Variants in SVEP1 observed in about 807,000 individuals in gnomAD.
The protein encoded by SVEP1 is sushi, von Willebrand factor type A, EGF and pentraxin domain containing 1.
SVEP1 carries 164 observed loss-of-function variants against 367.3 expected under a neutral mutation model. That is an observed-to-expected ratio of 0.45 (90% CI 0.39 to 0.51). The LOEUF (loss-of-function observed/expected upper bound fraction) is 0.51. Among genes scored for constraint, SVEP1 ranks in the 20% least tolerant of loss-of-function variants. The probability of loss-of-function intolerance (pLI) is 0.00; values close to 1 mark genes in which losing one functional copy is unlikely to be tolerated. For synonymous variants in SVEP1, 1,666 were observed against 1,611.6 expected, an observed-to-expected ratio of 1.03 and a Z score of -0.81; for missense variants, 4,117 against 4,425.3, an observed-to-expected ratio of 0.93 and a Z score of 1.98.
In SVEP1 at chr9:110,408,309, G is replaced by C. The variant is rs952794060; in HGVS notation, c.7291C>G (p.Pro2431Ala). The change falls in exon 38 of 48, where the codon CCA (proline) becomes GCA (alanine). Residue 2431 changes from proline to alanine, a missense_variant. Pro to Ala is a conservative substitution (Grantham distance 27, BLOSUM62 -1). Transcript: ENST00000374469. ...TCTACTGGAACACATTCTGGCAGTG[G>C]AGAGCTCCAGGTGCCATCAGGTTGG... ...LCQPDGTWSS[P>A]LPECVPVECP... 3 of 1,613,820 alleles carry C rather than the reference G, an allele frequency of 1.9e-6. No homozygotes were observed. The highest frequency in any genetic ancestry group is 2.5e-6 in the Non-Finnish European group (3 of 1,179,884).
chr9:110,396,933 A>C (rs552124134), intron 40 of SVEP1, among the ~76,000 whole-genome samples: 1 of 151,876 alleles, frequency 6.6e-6, no homozygotes, highest in Non-Finnish European at 1.5e-5. Flanking sequence ...AGCTGGTACC[A>C]TTCCTTCTGA....
chr9:110,463,282 T>C (rs1828886797), intron 18 of SVEP1, among the ~76,000 whole-genome samples: 1 of 152,076 alleles, frequency 6.6e-6, no homozygotes, highest in African/African-American at 2.4e-5. Context: ...TTTTAATGAA[T>C]GAAAAATTTC....
At chr9:110,576,348 A>G (rs1830626953) in intron 1 of SVEP1, among the ~76,000 whole-genome samples, 1 of 152,154 alleles carries the variant, frequency 6.6e-6, no homozygotes, top group Non-Finnish European at 1.5e-5. Context: ...ACTGAAATAT[A>G]TGGTGGGAAT....
At chr9:110,453,147 T>C (rs1021886565) in intron 22 of SVEP1, among the ~76,000 whole-genome samples, 1 of 152,104 alleles carries the variant, frequency 6.6e-6, no homozygotes, top group African/African-American at 2.4e-5. Flanking sequence ...TACTAAACTT[T>C]TTAAAATATA....
At chr9:110,390,286 CAT>C (rs1414353372) in intron 40 of SVEP1, among the ~76,000 whole-genome samples, 1 of 39,918 alleles carries the variant, frequency 2.5e-5, no homozygotes, top group Non-Finnish European at 4.7e-5. Context: ...TATATATATA[CAT>C]ACTTATATAT....
intron 37 of SVEP1, 27 bp from the exon 38 acceptor site, chr9:110,408,978 G>A: frequency 6.5e-7 from 1 of 1,531,468 alleles, no homozygotes; most frequent in Non-Finnish European, 8.7e-7. Flanking sequence ...AAGCAAGTGA[G>A]TGCGATTTGT....
In SVEP1 at chr9:110,432,619, C is replaced by T; in HGVS notation, c.5076G>A (p.Val1692=). 6.2e-7 allele frequency: 1 copy of T among 1,612,154 alleles called. No individual in the cohort carries two copies. The highest frequency in any genetic ancestry group is 8.5e-7 in the Non-Finnish European group (1 of 1,179,120). The part of the protein sequence containing the change: ...LPHCERISCG[V]PPPLENGFHS... ...GGAAGCCATTCTCCAAAGGAGGTGG[C>T]ACCCCACAGCTAATGCCTGTAAGGT... The change falls in exon 31 of 48, where the codon GTG becomes GTA. Residue 1692 remains valine (V), a synonymous_variant. Coordinates refer to ENST00000374469, the MANE Select transcript of SVEP1 (RefSeq NM_153366.4).
intron 1 of SVEP1, among the ~76,000 whole-genome samples, chr9:110,565,953 T>C (rs1830486826): frequency 1.3e-5 from 2 of 152,072 alleles, no homozygotes; most frequent in Non-Finnish European, 2.9e-5. Flanking sequence ...ACCTAACCAG[T>C]AGTATCACCT....
At chr9:110,374,905 T>C (rs1057446642) in intron 46 of SVEP1, among the ~76,000 whole-genome samples, 21 of 151,886 alleles carry the variant, frequency 1.4e-4, no homozygotes, top group African/African-American at 4.8e-4. Context: ...CTATGCACAA[T>C]AGCAAAGACA....
At chr9:110,527,867 A>G (rs544146316) in intron 3 of SVEP1, among the ~76,000 whole-genome samples, 375 of 151,598 alleles carry the variant, frequency 2.5e-3, no homozygotes, top group Admixed American at 2.4e-3. Flanking sequence ...CACTCTCCCC[A>G]CTTCTGAGTC....
chr9:110,576,270 C>A (rs1280742192), intron 1 of SVEP1, among the ~76,000 whole-genome samples: 1 of 151,804 alleles, frequency 6.6e-6, no homozygotes, highest in Non-Finnish European at 1.5e-5. Context: ...AAAGCACATT[C>A]TACAGTGGAA....
intron 9 of SVEP1, among the ~76,000 whole-genome samples, chr9:110,485,024 G>C (rs1829255092): frequency 6.6e-6 from 1 of 152,182 alleles, no homozygotes; most frequent in African/African-American, 2.4e-5. Context: ...ATGACAATGT[G>C]GTGATTCCTC....
At chr9:110,430,569 G>A (rs570798098) in intron 32 of SVEP1, 119 bp from the exon 33 acceptor site, 39 of 1,062,304 alleles carry the variant, frequency 3.7e-5, no homozygotes, top group Middle Eastern at 2.1e-4. Flanking sequence ...AGAAAACCTC[G>A]TGAAGGGAAA....
intron 6 of SVEP1, among the ~76,000 whole-genome samples, chr9:110,500,737 A>C (rs1009791829): frequency 1.8e-4 from 27 of 152,014 alleles, no homozygotes; most frequent in African/African-American, 6.5e-4. Context: ...CCCTCAACTG[A>C]CCTGTGATAC....
At chr9:110,471,700 A>ATTT in intron 15 of SVEP1, 103 bp from the exon 16 acceptor site, 3 of 799,944 alleles carry the variant, frequency 3.8e-6, no homozygotes, top group South Asian at 1.9e-5. Context: ...ATCTTTTAGT[A>ATTT]CTAATAAGTG....
Position 110,430,463 on chromosome 9 carries a change from A to G in SVEP1, c.5354-13T>C. The G allele has an allele frequency of 1.9e-6, 3 of 1,599,304 alleles. No homozygotes were observed. The highest frequency in any genetic ancestry group is 2.6e-6 in the Non-Finnish European group (3 of 1,171,796). On this transcript the variant is annotated splice_polypyrimidine_tract_variant and intron_variant, in intron 32 of 47. Transcript: ENST00000374469. ...CATTTTATAGGTTCTAGAAACAGAC[A>G]GTTTTGGTGGAATAATAAGTGGCTT...
chr9:110,433,905 A>G (rs1828391700), intron 30 of SVEP1, among the ~76,000 whole-genome samples: 1 of 152,196 alleles, frequency 6.6e-6, no homozygotes, highest in East Asian at 1.9e-4. Context: ...TAAACTACAT[A>G]AGAATAGGAG....
intron 46 of SVEP1, among the ~76,000 whole-genome samples, chr9:110,374,203 C>A (rs1011805699): frequency 6.6e-6 from 1 of 152,106 alleles, no homozygotes; most frequent in Non-Finnish European, 1.5e-5. Flanking sequence ...TACGTGTTTA[C>A]GTGTTCCCAT....
Position 110,476,324 on chromosome 9 carries a change from A to T in SVEP1, c.2488-9T>A. 1.3e-6 allele frequency: 2 copies of T among 1,597,380 alleles called. No individual in the cohort carries two copies. The highest frequency in any genetic ancestry group is 1.7e-5 in the Admixed American group (1 of 59,716). On this transcript the variant is annotated splice_polypyrimidine_tract_variant and intron_variant, in intron 13 of 47. Transcript: ENST00000374469. ...CTACAAAATGATGGGACCTGCAAGT[A>T]AAAAATGAAGAGGATAAAGTGTAAA...
Sources: gnomAD v4.1 joint callset for allele counts (sites outside exome capture counted in the v4.1 genomes callset) on GRCh38, gnomAD v4.1.1 for gene constraint, MANE v1.5 for transcripts, NCBI Gene and HGNC (gene_info 2026-07-23, HGNC 2026-07-21) for gene names.